The following TP63 variants were observed in gnomAD, a reference collection of about 807,000 sequenced individuals.
The protein encoded by TP63 is tumor protein p63, also known as tumor protein 63.
TP63 carries 17 observed loss-of-function variants against 82.8 expected under a neutral mutation model. The observed-to-expected ratio is 0.21, with a 90% CI of 0.14 to 0.31. The LOEUF is 0.31. TP63 is among the 10% of genes least tolerant of loss of function. The pLI is 1.00. For synonymous variants in TP63, 330 were observed against 321.7 expected (o/e 1.03, Z -0.28); for missense variants, 648 against 895.3 (o/e 0.72, Z 3.52).
intron 3 of TP63, among the ~76,000 whole-genome samples, chr3:189,763,456 A>G (rs1254072674): frequency 6.6e-6 from 1 of 152,240 alleles, no homozygotes. Flanking sequence ...GAATGAATTA[A>G]TAAACAAAAA....
At chr3:189,789,610 C>G in intron 3 of TP63, 1 of 1,304,196 alleles carries the variant, frequency 7.7e-7, no homozygotes, top group Non-Finnish European at 9.8e-7. Flanking sequence ...AGAGTCCCGC[C>G]TCCTCATGCC....
At chr3:189,828,439 AG>A (rs942972257) in intron 4 of TP63, among the ~76,000 whole-genome samples, 1 of 152,162 alleles carries the variant, frequency 6.6e-6, no homozygotes, top group African/African-American at 2.4e-5. Flanking sequence ...ACTTCTTATA[AG>A]GACTGTACCA....
chr3:189,875,609 T>TATATATATATATATATATATATACAC (rs1719012636), intron 10 of TP63, among the ~76,000 whole-genome samples: 1 of 62,986 alleles, frequency 1.6e-5, no homozygotes, highest in Non-Finnish European at 3.6e-5. Flanking sequence ...TATATATATA[T>TATATATATATATATATATATATACAC]ATATATATAT....
intron 4 of TP63, among the ~76,000 whole-genome samples, chr3:189,820,328 A>G (rs1399775): frequency 0.044 from 6,650 of 152,288 alleles, 428 homozygotes; most frequent in African/African-American, 0.14. Flanking sequence ...GACCATTTGT[A>G]TAAGTTTCCA....
At chr3:189,846,973 G>T (rs577559855) in intron 4 of TP63, among the ~76,000 whole-genome samples, 1 of 151,696 alleles carries the variant, frequency 6.6e-6, no homozygotes, top group South Asian at 2.1e-4. Flanking sequence ...GAGCCACCAC[G>T]CTTGGCCTTC....
At chr3:189,629,215 AAAAAC>A (rs1266663008), upstream of TP63, among the ~76,000 whole-genome samples, 4 of 152,018 alleles carry the variant, frequency 2.6e-5, no homozygotes, top group East Asian at 5.8e-4. Flanking sequence ...CCATATCTAA[AAAAAC>A]AAAACAAAAC....
intron 1 of TP63, among the ~76,000 whole-genome samples, chr3:189,693,451 G>A (rs1414071123): frequency 2.0e-5 from 3 of 152,124 alleles, no homozygotes; most frequent in African/African-American, 4.8e-5. Context: ...GAATTAAGCT[G>A]GGTAAAATAC....
chr3:189,849,125 G>A (rs532497764), intron 4 of TP63, among the ~76,000 whole-genome samples: 1 of 152,286 alleles, frequency 6.6e-6, no homozygotes, highest in Admixed American at 6.5e-5. Context: ...GAGTTTTAGA[G>A]GTTGAAGCCC....
chr3:189,793,035 G>T (rs1725320167), intron 3 of TP63, among the ~76,000 whole-genome samples: 1 of 152,048 alleles, frequency 6.6e-6, no homozygotes. Context: ...ATAGGAAAAA[G>T]CACAGTGGGT....
At chr3:189,812,446 A>G (rs1194708250) in intron 4 of TP63, among the ~76,000 whole-genome samples, 2 of 152,240 alleles carry the variant, frequency 1.3e-5, no homozygotes, top group African/African-American at 4.8e-5. Context: ...TACTAGTTAC[A>G]GAGGCCTATC....
At chr3:189,789,626 T>C in intron 3 of TP63, 1 of 1,353,000 alleles carries the variant, frequency 7.4e-7, no homozygotes, top group African/African-American at 1.5e-5. Flanking sequence ...ATGCCTATAG[T>C]TGGGTATATA....
At chr3:189,829,735 T>C (rs779714536) in intron 4 of TP63, among the ~76,000 whole-genome samples, 50 of 152,308 alleles carry the variant, frequency 3.3e-4, no homozygotes, top group Non-Finnish European at 6.5e-4. Context: ...ATTTGGTTGG[T>C]GCAAAAATAA....
intron 3 of TP63, among the ~76,000 whole-genome samples, chr3:189,775,999 A>G (rs999223661): frequency 1.3e-5 from 2 of 152,206 alleles, no homozygotes; most frequent in Non-Finnish European, 2.9e-5. Context: ...ACACTTACAA[A>G]ATAGTTGCAA....
the TP63 span, among the ~76,000 whole-genome samples, chr3:189,616,823 A>G: frequency 1.3e-5 from 2 of 152,178 alleles, no homozygotes; most frequent in Admixed American, 1.3e-4. Context: ...TCTCTGCTGT[A>G]GATGGCATTG....
chr3:189,704,377 A>G (rs918733321), intron 1 of TP63, among the ~76,000 whole-genome samples: 3 of 152,226 alleles, frequency 2.0e-5, no homozygotes, highest in Non-Finnish European at 2.9e-5. Flanking sequence ...CATAGCTTAC[A>G]TAGTAGTTTC....
Position 189,636,765 on chromosome 3 carries a change from G to T in TP63, c.62+5188G>T, listed in dbSNP as rs554919820. 7.2e-5 allele frequency among the ~76,000 whole-genome samples: 11 copies of T among 152,182 alleles called. No individual in the cohort carries two copies. The East Asian group carries it at 2.1e-3, about 30-fold the overall frequency. On this transcript the variant is annotated intron_variant, in intron 1 of 13. Coordinates refer to ENST00000264731, the MANE Select transcript of TP63 (RefSeq NM_003722.5). Reference sequence around the variant, plus strand: ...ATTTTTGGTGAATCAGTGAGTGATGGTCATAGTGGTAGTACGTTAAATCAA... The same window carrying T: ...ATTTTTGGTGAATCAGTGAGTGATGTTCATAGTGGTAGTACGTTAAATCAA...
intron 1 of TP63, among the ~76,000 whole-genome samples, chr3:189,677,331 T>TTTATATACATAAATATATATAAATAA (rs1715498728): frequency 7.1e-6 from 1 of 140,130 alleles, no homozygotes; most frequent in Admixed American, 7.5e-5. Flanking sequence ...CACACACATA[T>TTTATATACATAAATATATATAAATAA]TTATATATAT....
At chr3:189,740,740 T>G (rs899709834) in intron 3 of TP63, among the ~76,000 whole-genome samples, 7 of 152,190 alleles carry the variant, frequency 4.6e-5, no homozygotes, top group Non-Finnish European at 8.8e-5. Context: ...CCTCAGGTGA[T>G]CCACTCGCCT....
chr3:189,802,070 A>G (rs1450696081), intron 3 of TP63, among the ~76,000 whole-genome samples: 1 of 152,216 alleles, frequency 6.6e-6, no homozygotes, highest in Non-Finnish European at 1.5e-5. Flanking sequence ...ATTCTAGCAT[A>G]AAAGAAACCA....
Sources: allele counts gnomAD v4.1 joint callset (sites outside exome capture counted in the v4.1 genomes callset), GRCh38; gene constraint gnomAD v4.1.1; transcripts MANE v1.5; gene names NCBI Gene and HGNC (gene_info 2026-07-23, HGNC 2026-07-21).